Variants in CPA4 observed in about 807,000 individuals in gnomAD.
The protein encoded by CPA4 is carboxypeptidase A3.
Under a neutral mutation model 54.7 loss-of-function variants are expected in CPA4, and 49 were observed. The observed-to-expected ratio is 0.90, with a 90% CI of 0.71 to 1.14. The LOEUF (loss-of-function observed/expected upper bound fraction) is 1.14. Ranked by LOEUF, CPA4 falls within the 50% of genes most tolerant of loss-of-function variation. The probability of loss-of-function intolerance (pLI) is 0.00; values close to 1 mark genes in which losing one functional copy is unlikely to be tolerated. For synonymous variants in CPA4, 215 were observed against 206.8 expected (o/e 1.04, Z -0.34); for missense variants, 487 against 525.1 (o/e 0.93, Z 0.71).
intron 10 of CPA4, among the ~76,000 whole-genome samples, chr7:130,314,182 G>A (rs912293819): frequency 1.3e-5 from 2 of 152,170 alleles, no homozygotes; most frequent in Non-Finnish European, 2.9e-5. Flanking sequence ...TCAGAGGGGT[G>A]TTTAATAATA....
In CPA4 at chr7:130,305,928, T is replaced by C. The variant is rs113946505; in HGVS notation, c.591+8T>C. ...ATCTGGACGGCAAGGAAGGTCATGC[T>C]GCGTGGTATTAGCCAGGAATGCTGA... On this transcript the variant is annotated splice_region_variant and intron_variant, in intron 6 of 10. Transcript: ENST00000222482. The C allele has an allele frequency of 6.2e-7, 1 of 1,607,662 alleles. No homozygotes were observed. Among genetic ancestry groups the C allele is most frequent in the Admixed American group, 1.7e-5 (1 of 60,012 alleles).
At chr7:130,316,638 G>A (rs946373011) in intron 10 of CPA4, among the ~76,000 whole-genome samples, 2 of 152,096 alleles carry the variant, frequency 1.3e-5, no homozygotes, top group Non-Finnish European at 2.9e-5. Context: ...GTTGGTTGGG[G>A]TTTAAAATTG....
intron 7 of CPA4, 37 bp from the exon 8 acceptor site, chr7:130,308,270 C>T: frequency 1.3e-6 from 2 of 1,560,828 alleles, no homozygotes; most frequent in Non-Finnish European, 1.8e-6. Context: ...TCTGATCTGC[C>T]TCTGGTTGTT....
In CPA4 at chr7:130,304,842, C is replaced by G. The variant is rs117197160; in HGVS notation, c.486+263C>G. Among the ~76,000 whole-genome samples the G allele has an allele frequency of 9.0e-3, 1,375 of 152,296 alleles. 12 individuals carry two copies. Among genetic ancestry groups the G allele is most frequent in the Non-Finnish European group, 0.015 (1,035 of 68,022 alleles). On this transcript the variant is annotated intron_variant, in intron 5 of 10. Coordinates refer to ENST00000222482, the MANE Select transcript of CPA4 (RefSeq NM_016352.4). ...GAGGTGATTAGTATTCCAGAAAGCT[C>G]TCAGATGGGACAGTCTTTTACTTTC... is the stretch of plus-strand genomic sequence containing the variant.
At chr7:130,307,670 G>A (rs1044321822) in intron 7 of CPA4, among the ~76,000 whole-genome samples, 1 of 149,292 alleles carries the variant, frequency 6.7e-6, no homozygotes, top group African/African-American at 2.5e-5. Context: ...GAGTCAATTT[G>A]TTCAAGTGAG....
intron 5 of CPA4, among the ~76,000 whole-genome samples, chr7:130,305,097 A>G (rs932636305): frequency 6.6e-6 from 1 of 152,234 alleles, no homozygotes; most frequent in African/African-American, 2.4e-5. Flanking sequence ...CATAAATTAC[A>G]TAAAAATCCA....
At chr7:130,299,661 T>C (rs907528785) in intron 3 of CPA4, 39 of 433,736 alleles carry the variant, frequency 9.0e-5, no homozygotes, top group Admixed American at 1.0e-4. Flanking sequence ...CTATGTGCTG[T>C]GTCTTTGGAC....
intron 1 of CPA4, among the ~76,000 whole-genome samples, chr7:130,296,011 A>G (rs555799465): frequency 7.3e-4 from 111 of 152,244 alleles, no homozygotes; most frequent in African/African-American, 2.6e-3. Flanking sequence ...GCTACCCACT[A>G]CCACAACCGC....
At chr7:130,309,896 GCTGGGA>G (rs1584751191) in intron 8 of CPA4, among the ~76,000 whole-genome samples, 1 of 152,266 alleles carries the variant, frequency 6.6e-6, no homozygotes. Flanking sequence ...CTCCCTGGTA[GCTGGGA>G]CTATAGGCGC....
chr7:130,313,639 G>A (rs1412658115), intron 10 of CPA4, among the ~76,000 whole-genome samples: 1 of 151,824 alleles, frequency 6.6e-6, no homozygotes, highest in East Asian at 1.9e-4. Flanking sequence ...TCCAAGTATA[G>A]AGGTTACACC....
chr7:130,321,212 A>C (rs1193326263), intron 10 of CPA4, among the ~76,000 whole-genome samples: 2 of 152,090 alleles, frequency 1.3e-5, no homozygotes, highest in Non-Finnish European at 2.9e-5. Flanking sequence ...AAAAAGAAAA[A>C]ATTATCTATG....
In CPA4 at chr7:130,294,442, T is replaced by C. The variant is rs1793618685; in HGVS notation, c.68+1194T>C. 3.3e-5 allele frequency among the ~76,000 whole-genome samples: 5 copies of C among 152,244 alleles called. No homozygotes were observed. In the South Asian group the frequency reaches 1.0e-3, roughly 32 times the overall value. On this transcript the variant is annotated intron_variant, in intron 1 of 10. Transcript: ENST00000222482. ...CCAAATAGCTCAGAGGGGTTAGGAG[T>C]GGCAGGTGGCCAGGGAAGATTTTCC...
Position 130,299,317 on chromosome 7 carries a change from C to A in CPA4, c.198C>A (p.Val66=), listed in dbSNP as rs140996766. ...SPSSFNRPVD[V]LVPSVSLQAF... Reference sequence around the variant, plus strand: ...CCTCCTTCAATCGGCCTGTGGATGTCCTGGTCCCATCTGTCAGTCTGCAGG... The same window carrying A: ...CCTCCTTCAATCGGCCTGTGGATGTACTGGTCCCATCTGTCAGTCTGCAGG... Residue 66 remains valine (V), a synonymous_variant, in exon 3 of 11, where the codon GTC becomes GTA. Coordinates refer to ENST00000222482, the MANE Select transcript of CPA4 (RefSeq NM_016352.4). 1.4e-3 allele frequency: 2,329 copies of A among 1,613,276 alleles called. 32 individuals are homozygous for A. The African/African-American group carries it at 0.027, about 18-fold the overall frequency.
intron 5 of CPA4, among the ~76,000 whole-genome samples, chr7:130,305,556 C>T (rs1209372923): frequency 6.6e-6 from 1 of 152,190 alleles, no homozygotes; most frequent in East Asian, 1.9e-4. Context: ...CATCATAAAA[C>T]ACAGTAACGG....
chr7:130,305,142 C>T (rs940807590), intron 5 of CPA4, among the ~76,000 whole-genome samples: 8 of 152,164 alleles, frequency 5.3e-5, no homozygotes, highest in Non-Finnish European at 2.9e-5. Flanking sequence ...GGCGTATAAC[C>T]CATGGAACAC....
chr7:130,322,625 G>A lies in CPA4; in HGVS notation c.1215G>A (p.Thr405=), dbSNP rs747011709. The A allele has an allele frequency of 1.2e-5, 20 of 1,614,238 alleles. No individual in the cohort carries two copies. The highest frequency in any genetic ancestry group is 8.9e-5 in the East Asian group (4 of 44,886). The change falls in exon 11 of 11, where the codon ACG becomes ACA. Residue 405 remains threonine, a synonymous_variant. Coordinates refer to ENST00000222482, the MANE Select transcript of CPA4 (RefSeq NM_016352.4). The stretch of plus-strand genomic sequence containing the variant: ...AGATCATCCCCACTGCAGAGGAGAC[G>A]TGGCTGGGGCTGAAGACCATCATGG... ...ANQIIPTAEE[T]WLGLKTIMEH...
chr7:130,299,651 C>T lies in CPA4; in HGVS notation c.285+247C>T, dbSNP rs6977811. 8.5e-6 allele frequency: 4 copies of T among 469,726 alleles called. No individual in the cohort carries two copies. In the East Asian group the frequency reaches 1.4e-4, roughly 17 times the overall value. The allele number at this position is 469,726 out of a possible 1,614,324, so 29.1% of individuals were successfully genotyped here. A position where few individuals can be genotyped will look rare whatever the true frequency, so the allele number is the denominator to read the frequency against. ...ATCCTGATTTTGCTAACTACTAGTGCTATGTGCTGTGTCTTTGGACAAGTT... is the reference window on the plus strand; with the variant it reads ...ATCCTGATTTTGCTAACTACTAGTGTTATGTGCTGTGTCTTTGGACAAGTT... On this transcript the variant is annotated intron_variant, in intron 3 of 10. Transcript: ENST00000222482.
intron 10 of CPA4, among the ~76,000 whole-genome samples, chr7:130,314,211 G>C (rs1793955434): frequency 6.6e-6 from 1 of 152,228 alleles, no homozygotes; most frequent in African/African-American, 2.4e-5. Context: ...GGTTGCACTG[G>C]TTAGGTGTTA....
At chr7:130,306,106 G>A (rs750073332) in intron 6 of CPA4, 186 bp downstream of exon 6, 1 of 601,044 alleles carries the variant, frequency 1.7e-6, no homozygotes, top group Admixed American at 2.8e-5. Context: ...CGGCCAAATT[G>A]ATTGCGTTCC....
Sources: allele counts gnomAD v4.1 joint callset (sites outside exome capture counted in the v4.1 genomes callset), GRCh38; gene constraint gnomAD v4.1.1; transcripts MANE v1.5; gene names NCBI Gene and HGNC (gene_info 2026-07-23, HGNC 2026-07-21).